MARCHF10: variants seen among roughly 807,000 people sequenced by gnomAD.
The protein encoded by MARCHF10 is membrane associated ring-CH-type finger 10.
In MARCHF10, 64 loss-of-function variants were observed where a neutral mutation model predicts 76.2. The ratio of observed to expected loss-of-function variants is 0.84; its 90% CI spans 0.69 to 1.03. The LOEUF (loss-of-function observed/expected upper bound fraction) is 1.03. Ranked by LOEUF, MARCHF10 falls within the 50% of genes least tolerant of loss-of-function variation. The pLI is 0.00. For synonymous variants in MARCHF10, 340 were observed against 357.5 expected, an observed-to-expected ratio of 0.95 and a Z score of 0.55; for missense variants, 875 against 958.0, an observed-to-expected ratio of 0.91 and a Z score of 1.14.
intron 2 of MARCHF10, among the ~76,000 whole-genome samples, chr17:62,799,198 T>G (rs1420625972): frequency 1.3e-5 from 2 of 152,214 alleles, no homozygotes; most frequent in Non-Finnish European, 2.9e-5. Context: ...CCTCTCCATC[T>G]ATCAGCAAGA....
intron 6 of MARCHF10, among the ~76,000 whole-genome samples, chr17:62,727,489 C>T (rs557535612): frequency 4.8e-4 from 73 of 151,628 alleles, no homozygotes; most frequent in African/African-American, 1.5e-3. Context: ...GGCAACACAG[C>T]GAGACCTTGT....
intron 3 of MARCHF10, among the ~76,000 whole-genome samples, chr17:62,785,933 T>C (rs541612240): frequency 4.6e-5 from 7 of 152,082 alleles, no homozygotes; most frequent in Non-Finnish European, 8.8e-5. Context: ...TTGGTGAGAG[T>C]GTAAATTAGT....
chr17:62,718,268 G>T (rs2090320331), intron 8 of MARCHF10, among the ~76,000 whole-genome samples: 1 of 152,214 alleles, frequency 6.6e-6, no homozygotes, highest in African/African-American at 2.4e-5. Flanking sequence ...TTTAGACTGA[G>T]ATCTTAATCA....
intron 2 of MARCHF10, among the ~76,000 whole-genome samples, chr17:62,792,989 TACCACCACCTCCATCACC>T (rs1405106533): frequency 1.5e-5 from 1 of 67,794 alleles, no homozygotes; most frequent in Admixed American, 1.4e-4. Flanking sequence ...CCTCCATCAC[TACCACCACCTCCATCACC>T]ACCACCACAA....
chr17:62,760,964 G>T (rs557502512), intron 3 of MARCHF10, among the ~76,000 whole-genome samples: 1 of 152,234 alleles, frequency 6.6e-6, no homozygotes, highest in South Asian at 2.1e-4. Flanking sequence ...TAACATCCCT[G>T]GTACCTCCCC....
At chr17:62,768,895 C>G (rs958824577) in intron 3 of MARCHF10, among the ~76,000 whole-genome samples, 5 of 152,172 alleles carry the variant, frequency 3.3e-5, no homozygotes, top group Admixed American at 2.6e-4. Flanking sequence ...CCCAAGATGT[C>G]TTTTTGGGTA....
At position 62,744,527 on chromosome 17, in the gene MARCHF10, T is replaced by G. The variant is rs2091634851; in HGVS notation, c.384A>C (p.Ala128=). The G allele has an allele frequency of 6.2e-7, 1 of 1,612,170 alleles. No homozygotes were observed. The highest frequency in any genetic ancestry group is 1.3e-5 in the African/African-American group (1 of 74,882). ...TTAATAAAACCATTGGTGCTTGGTCTGCTGAAAGATGCAAAGTCTTTTCAA... is the reference window on the plus strand; with the variant it reads ...TTAATAAAACCATTGGTGCTTGGTCGGCTGAAAGATGCAAAGTCTTTTCAA... The part of the protein sequence containing the change: ...EKVDPSEPSP[A]DQAPMVLLRK... The change falls in exon 5 of 11, where the codon GCA becomes GCC. Residue 128 remains alanine, a splice_region_variant and synonymous_variant. Coordinates refer to ENST00000311269, the MANE Select transcript of MARCHF10 (RefSeq NM_152598.4).
chr17:62,757,490 C>T (rs945997281), intron 4 of MARCHF10, among the ~76,000 whole-genome samples: 1 of 152,248 alleles, frequency 6.6e-6, no homozygotes, highest in African/African-American at 2.4e-5. Flanking sequence ...CAGCTAAAAT[C>T]CTTGCCATGT....
intron 3 of MARCHF10, among the ~76,000 whole-genome samples, chr17:62,775,132 C>CCTTT (rs2092524930): frequency 2.1e-5 from 3 of 142,574 alleles, no homozygotes; most frequent in Non-Finnish European, 4.6e-5. Flanking sequence ...CCTGGCCTTC[C>CCTTT]TTTTTTTTTT....
At chr17:62,779,213 C>T (rs1311081163) in intron 3 of MARCHF10, among the ~76,000 whole-genome samples, 1 of 152,156 alleles carries the variant, frequency 6.6e-6, no homozygotes, top group Admixed American at 6.5e-5. Flanking sequence ...AGGGTGGGGC[C>T]CCCTGGCAGC....
intron 3 of MARCHF10, among the ~76,000 whole-genome samples, chr17:62,785,771 A>G (rs1326251443): frequency 6.6e-6 from 1 of 152,330 alleles, no homozygotes; most frequent in East Asian, 1.9e-4. Context: ...CAGACACATG[A>G]AAAAATGCTC....
chr17:62,804,150 T>C (rs2093125184), intron 1 of MARCHF10, among the ~76,000 whole-genome samples: 1 of 152,178 alleles, frequency 6.6e-6, no homozygotes, highest in South Asian at 2.1e-4. Flanking sequence ...GGTTACTGGC[T>C]TGAGCAGCCA....
chr17:62,716,001 C>T (rs1163007972), intron 8 of MARCHF10, among the ~76,000 whole-genome samples: 3 of 152,172 alleles, frequency 2.0e-5, no homozygotes, highest in Admixed American at 2.0e-4. Context: ...GGGAGGCGTC[C>T]GTCCCAGATG....
intron 4 of MARCHF10, among the ~76,000 whole-genome samples, chr17:62,748,707 T>G (rs2091794149): frequency 6.6e-6 from 1 of 152,234 alleles, no homozygotes; most frequent in Non-Finnish European, 1.5e-5. Flanking sequence ...TTTGCACCAC[T>G]GCACTCCAGC....
At chr17:62,730,441 C>A (rs1160786448) in intron 6 of MARCHF10, among the ~76,000 whole-genome samples, 2 of 152,142 alleles carry the variant, frequency 1.3e-5, no homozygotes, top group African/African-American at 4.8e-5. Flanking sequence ...AAAATATATT[C>A]CATATGAATT....
chr17:62,764,598 G>C (rs1172437670), intron 3 of MARCHF10, among the ~76,000 whole-genome samples: 1 of 121,222 alleles, frequency 8.2e-6, no homozygotes, highest in Non-Finnish European at 1.9e-5. Flanking sequence ...TCAAGGGACT[G>C]TGTGTGCCAC....
intron 2 of MARCHF10, among the ~76,000 whole-genome samples, chr17:62,789,102 C>A (rs1191045216): frequency 2.1e-5 from 3 of 145,142 alleles, no homozygotes; most frequent in Non-Finnish European, 4.5e-5. Context: ...AAACGCAGGT[C>A]AGACGTAATA....
At chr17:62,705,007 A>G (rs2089490434) in intron 10 of MARCHF10, 1 of 983,652 alleles carries the variant, frequency 1.0e-6, no homozygotes, top group African/African-American at 1.8e-5. Context: ...ACCTGTTTGC[A>G]GAGAGCCGTC....
intron 3 of MARCHF10, 30 bp from the exon 4 acceptor site, chr17:62,760,036 A>C (rs1052575363): frequency 5.6e-6 from 9 of 1,596,528 alleles, no homozygotes; most frequent in Middle Eastern, 1.7e-4. Flanking sequence ...TCTGAGTCTC[A>C]GTGGCCAAGT....
Sources: gnomAD v4.1 joint callset for allele counts (sites outside exome capture counted in the v4.1 genomes callset) on GRCh38, gnomAD v4.1.1 for gene constraint, MANE v1.5 for transcripts, NCBI Gene and HGNC (gene_info 2026-07-23, HGNC 2026-07-21) for gene names.